NLGN1: variants seen among roughly 807,000 people sequenced by gnomAD.
NLGN1 encodes the protein neuroligin-1.
A neutral mutation model predicts 65.5 loss-of-function variants in NLGN1; 12 were observed. The observed-to-expected ratio is 0.18, with a 90% CI of 0.12 to 0.30. The LOEUF is 0.30. Ranked by LOEUF, NLGN1 falls within the 10% of genes least tolerant of loss-of-function variation. The pLI is 1.00. For missense variants in NLGN1, 750 were observed against 1,007.1 expected (o/e 0.74, Z 3.46); for synonymous variants, 350 against 359.5 (o/e 0.97, Z 0.30).
rs1236175061 is a variant in NLGN1 at position 174,208,563 on chromosome 3, G to A, written c.647-66752G>A. 3.3e-5 allele frequency among the ~76,000 whole-genome samples: 5 copies of A among 151,812 alleles called. No homozygotes were observed. The East Asian group carries it at 5.8e-4, about 18-fold the overall frequency. On this transcript the variant is annotated intron_variant, in intron 4 of 6. Coordinates refer to ENST00000457714, the Ensembl canonical transcript of NLGN1. ...TTTCTAGTGCTCTCTAATATTACTG[G>A]TGCATAGCTGGCCTAAGTAGCTTGT...
chr3:173,788,484 A>G (rs929302245), intron 3 of NLGN1, among the ~76,000 whole-genome samples: 5 of 152,068 alleles, frequency 3.3e-5, no homozygotes, highest in African/African-American at 1.2e-4. Flanking sequence ...ACCAGACTCT[A>G]TTCTAAGAGC....
intron 2 of NLGN1, among the ~76,000 whole-genome samples, chr3:173,539,777 CAT>C (rs1410217884): frequency 4.4e-4 from 51 of 116,588 alleles, no homozygotes; most frequent in East Asian, 1.3e-3. Context: ...ATATATAACA[CAT>C]ATATATGTAC....
chr3:174,089,487 A>C (rs532979807), intron 4 of NLGN1, among the ~76,000 whole-genome samples: 4 of 152,308 alleles, frequency 2.6e-5, no homozygotes, highest in African/African-American at 9.6e-5. Flanking sequence ...GAGAGGATAC[A>C]AGAAAAGTTT....
chr3:173,608,965 T>C (rs1751834645), intron 3 of NLGN1, among the ~76,000 whole-genome samples: 1 of 151,994 alleles, frequency 6.6e-6, no homozygotes, highest in East Asian at 1.9e-4. Flanking sequence ...TGCTTCTTAC[T>C]GTCCAGATTA....
At chr3:173,839,118 G>A (rs1430830648) in intron 4 of NLGN1, among the ~76,000 whole-genome samples, 1 of 138,088 alleles carries the variant, frequency 7.2e-6, no homozygotes, top group Non-Finnish European at 1.5e-5. Flanking sequence ...TTACAGATTA[G>A]GATTCAAGCA....
intron 2 of NLGN1, among the ~76,000 whole-genome samples, chr3:173,525,236 G>T (rs893550211): frequency 7.1e-5 from 10 of 141,056 alleles, no homozygotes; most frequent in African/African-American, 3.1e-4. Context: ...GTTTTTTGTT[G>T]TTGTTGTTGT....
At chr3:173,692,551 T>C (rs1765623753) in intron 3 of NLGN1, among the ~76,000 whole-genome samples, 2 of 152,064 alleles carry the variant, frequency 1.3e-5, no homozygotes, top group Non-Finnish European at 1.5e-5. Context: ...AGAGGTAAGA[T>C]TGGACTTATC....
intron 2 of NLGN1, among the ~76,000 whole-genome samples, chr3:173,590,897 G>A (rs1748367154): frequency 6.6e-6 from 1 of 152,070 alleles, no homozygotes; most frequent in Admixed American, 6.5e-5. Flanking sequence ...ACTTACAAGT[G>A]TAGTAGGATT....
chr3:173,783,531 C>T (rs541742567), intron 3 of NLGN1, among the ~76,000 whole-genome samples: 4 of 152,296 alleles, frequency 2.6e-5, no homozygotes, highest in South Asian at 2.1e-4. Flanking sequence ...ATTGGATTAG[C>T]GCCATAGGCC....
chr3:173,523,511 T>G (rs1329049382), intron 2 of NLGN1, among the ~76,000 whole-genome samples: 1 of 151,730 alleles, frequency 6.6e-6, no homozygotes, highest in Non-Finnish European at 1.5e-5. Context: ...TTGAATAAGA[T>G]ATCCTTTTCC....
intron 3 of NLGN1, among the ~76,000 whole-genome samples, chr3:173,679,876 T>G (rs942268188): frequency 6.6e-6 from 1 of 152,128 alleles, no homozygotes; most frequent in African/African-American, 2.4e-5. Context: ...AAACCCCCTC[T>G]ATGTCCTACA....
At chr3:174,029,901 G>A (rs769340016) in intron 4 of NLGN1, among the ~76,000 whole-genome samples, 13 of 152,068 alleles carry the variant, frequency 8.5e-5, no homozygotes, top group Non-Finnish European at 1.6e-4. Flanking sequence ...TGATTGTTAG[G>A]CCTTTCCAGC....
At chr3:173,595,661 T>G (rs1336817989) in intron 2 of NLGN1, among the ~76,000 whole-genome samples, 1 of 152,148 alleles carries the variant, frequency 6.6e-6, no homozygotes, top group Non-Finnish European at 1.5e-5. Flanking sequence ...TTAGTTCATT[T>G]TCATGTTGCT....
chr3:173,611,547 T>C (rs1752293403), intron 3 of NLGN1, among the ~76,000 whole-genome samples: 1 of 152,178 alleles, frequency 6.6e-6, no homozygotes, highest in Admixed American at 6.6e-5. Flanking sequence ...ACTTAGAGTT[T>C]GAAGATGAAT....
intron 2 of NLGN1, among the ~76,000 whole-genome samples, chr3:173,465,008 T>G (rs973111847): frequency 1.3e-5 from 2 of 152,218 alleles, no homozygotes; most frequent in Non-Finnish European, 2.9e-5. Flanking sequence ...CTTTCTAAGC[T>G]TAATTCTATA....
chr3:174,106,148 A>AC (rs1375044625), intron 4 of NLGN1, among the ~76,000 whole-genome samples: 1 of 152,164 alleles, frequency 6.6e-6, no homozygotes, highest in Admixed American at 6.5e-5. Flanking sequence ...AATTAGAATC[A>AC]CCGAGGAAGG....
chr3:173,663,629 A>G (rs1034388453), intron 3 of NLGN1, among the ~76,000 whole-genome samples: 1 of 151,950 alleles, frequency 6.6e-6, no homozygotes, highest in African/African-American at 2.4e-5. Flanking sequence ...ACCACCCACA[A>G]ATGAATCAGA....
chr3:174,217,501 A>G (rs947699476), intron 4 of NLGN1, among the ~76,000 whole-genome samples: 10 of 152,054 alleles, frequency 6.6e-5, no homozygotes, highest in Non-Finnish European at 1.2e-4. Flanking sequence ...AGAGCCCTCT[A>G]TCAGGTTGCA....
intron 4 of NLGN1, among the ~76,000 whole-genome samples, chr3:174,144,942 AT>A (rs758939435): frequency 1.3e-5 from 2 of 151,968 alleles, no homozygotes; most frequent in African/African-American, 2.4e-5. Flanking sequence ...CTTTGTTGCT[AT>A]TGCTTTTGGT....
Sources: gnomAD v4.1 joint callset for allele counts (sites outside exome capture counted in the v4.1 genomes callset) on GRCh38, gnomAD v4.1.1 for gene constraint, MANE v1.5 for transcripts, NCBI Gene and HGNC (gene_info 2026-07-23, HGNC 2026-07-21) for gene names.